PPM1D: variants seen among roughly 807,000 people sequenced by gnomAD.
PPM1D encodes the protein protein phosphatase 1D.
In PPM1D, 52 loss-of-function variants were observed where a neutral mutation model predicts 58.3. The observed-to-expected ratio is 0.89, with a 90% CI of 0.71 to 1.12. PPM1D has a LOEUF of 1.12. PPM1D is among the 50% of genes most tolerant of loss of function. The pLI is 0.00. For synonymous variants in PPM1D, 278 were observed against 285.1 expected, an observed-to-expected ratio of 0.98 and a Z score of 0.25; for missense variants, 564 against 777.2, an observed-to-expected ratio of 0.73 and a Z score of 3.26.
At position 60,663,002 on chromosome 17, in the gene PPM1D, A is replaced by G. The variant is rs1598415386; in HGVS notation, c.1268A>G (p.Glu423Gly). The G allele has an allele frequency of 6.2e-7, 1 of 1,604,156 alleles. No individual in the cohort carries two copies. The highest frequency in any genetic ancestry group is 2.2e-5 in the East Asian group (1 of 44,750). The change falls in exon 6 of 6, where the codon GAG (glutamate) becomes GGG (glycine). Residue 423 changes from glutamate to glycine, a missense_variant. This residue lies in a region of PPM1D where 261 missense variants were observed against 270.1 expected (regional missense o/e 0.97). Transcript: ENST00000305921. Reference protein sequence around the residue: ...PCSTPPVKSLEEDPWPRVNSK... With the variant: ...PCSTPPVKSLGEDPWPRVNSK... ...TACCTTCTTATTTTTCAGTCACTGG[A>G]GGAGGATCCATGGCCAAGGGTGAAT...
chr17:60,627,232 A>G (rs1347483834), intron 2 of PPM1D, among the ~76,000 whole-genome samples: 3 of 152,082 alleles, frequency 2.0e-5, no homozygotes, highest in Non-Finnish European at 4.4e-5. Flanking sequence ...TACAACAGGA[A>G]TATTTTTGGT....
intron 1 of PPM1D, among the ~76,000 whole-genome samples, chr17:60,603,780 G>A (rs1407279286): frequency 6.6e-6 from 1 of 151,638 alleles, no homozygotes; most frequent in Non-Finnish European, 1.5e-5. Flanking sequence ...AAAAAAGACA[G>A]CTGAATTATC....
chr17:60,613,663 C>T (rs1038122063), intron 1 of PPM1D, among the ~76,000 whole-genome samples: 1 of 152,222 alleles, frequency 6.6e-6, no homozygotes, highest in African/African-American at 2.4e-5. Flanking sequence ...TGTGGGCCAG[C>T]GCGAGTTCCA....
At chr17:60,657,801 A>G (rs1406593063) in intron 5 of PPM1D, among the ~76,000 whole-genome samples, 1 of 151,964 alleles carries the variant, frequency 6.6e-6, no homozygotes, top group Admixed American at 6.6e-5. Flanking sequence ...GTGCAATGGC[A>G]TTATCTTGGC....
At chr17:60,621,834 T>C (rs1320925898) in intron 1 of PPM1D, among the ~76,000 whole-genome samples, 1 of 145,408 alleles carries the variant, frequency 6.9e-6, no homozygotes, top group Non-Finnish European at 1.5e-5. Context: ...CCTCCTAAAG[T>C]GCTGAGATTA....
At chr17:60,607,050 C>T (rs2030345903) in intron 1 of PPM1D, among the ~76,000 whole-genome samples, 1 of 151,048 alleles carries the variant, frequency 6.6e-6, no homozygotes, top group Non-Finnish European at 1.5e-5. Context: ...AGGGTGGTTC[C>T]TTACCCTGGG....
At chr17:60,616,291 A>G (rs963923147) in intron 1 of PPM1D, among the ~76,000 whole-genome samples, 3 of 151,454 alleles carry the variant, frequency 2.0e-5, no homozygotes, top group Non-Finnish European at 2.9e-5. Flanking sequence ...CTGTCTCAAA[A>G]AAAAAAAAAA....
intron 2 of PPM1D, among the ~76,000 whole-genome samples, chr17:60,632,710 GCGTGGTGGCCCA>G (rs1242987055): frequency 6.6e-6 from 1 of 152,228 alleles, no homozygotes; most frequent in East Asian, 1.9e-4. Context: ...AATTAGGCAG[GCGTGGTGGCCCA>G]CGTGGTGGCT....
At position 60,600,384 on chromosome 17, in the gene PPM1D, G is replaced by C; in HGVS notation, c.-31G>C. 6.5e-7 allele frequency: 1 copy of C among 1,543,068 alleles called. No individual in the cohort carries two copies. The highest frequency in any genetic ancestry group is 8.7e-7 in the Non-Finnish European group (1 of 1,144,620). On this transcript the variant is annotated 5_prime_UTR_variant, in exon 1 of 6. Transcript: ENST00000305921. The stretch of plus-strand genomic sequence containing the variant: ...CCCGCCGCCGGATTCGGCGGGCTGC[G>C]TGGGACCGGCGGGATCCCGGCCAGC...
rs2031443364 is a variant in PPM1D, at chr17:60,656,596, C to T, written c.1018-3C>T. On this transcript the variant is annotated splice_region_variant and splice_polypyrimidine_tract_variant and intron_variant, in intron 4 of 5. Coordinates refer to ENST00000305921, the MANE Select transcript of PPM1D (RefSeq NM_003620.4). ...TTCCTTCTCCTTGTTCTTTTGAATA[C>T]AGGGTGAGCATGGACAATCTTGTGC... 2 of 1,612,962 alleles carry T rather than the reference C, an allele frequency of 1.2e-6. No homozygotes were observed. The highest frequency in any genetic ancestry group is 1.7e-6 in the Non-Finnish European group (2 of 1,179,130).
chr17:60,606,998 A>AATTTTTTTTTTTT (rs2030343466), intron 1 of PPM1D, among the ~76,000 whole-genome samples: 1 of 148,706 alleles, frequency 6.7e-6, no homozygotes, highest in Non-Finnish European at 1.5e-5. Flanking sequence ...TTTTTTTTTT[A>AATTTTTTTTTTTT]ATTTTTTTTT....
chr17:60,636,950 C>T (rs779105128), intron 3 of PPM1D, among the ~76,000 whole-genome samples: 58 of 150,664 alleles, frequency 3.8e-4, no homozygotes, highest in Non-Finnish European at 7.7e-4. Flanking sequence ...TGTGCGACAG[C>T]GCTCAGCCTA....
intron 2 of PPM1D, among the ~76,000 whole-genome samples, chr17:60,632,116 C>T (rs1296871561): frequency 6.6e-6 from 1 of 151,986 alleles, no homozygotes; most frequent in African/African-American, 2.4e-5. Flanking sequence ...ATGGCATGAA[C>T]CCGGGAGGCG....
Position 60,600,334 on chromosome 17 carries a change from TG to T in PPM1D, c.-79del. ...GGCGTCGTCGAAGATAAACAATAGT[TG>T]GCCGGCGAGCGCCTAGTGTGTCTCC... is the stretch of plus-strand genomic sequence containing the variant. On this transcript the variant is annotated 5_prime_UTR_variant, in exon 1 of 6. Coordinates refer to ENST00000305921, the MANE Select transcript of PPM1D (RefSeq NM_003620.4). 1 of 1,506,636 alleles carries T rather than the reference TG, an allele frequency of 6.6e-7. No homozygotes were observed. 93.3% of individuals were successfully genotyped at this position (1,506,636 alleles called of 1,614,324 possible).
chr17:60,608,160 A>G (rs1441857763), intron 1 of PPM1D, among the ~76,000 whole-genome samples: 3 of 152,048 alleles, frequency 2.0e-5, no homozygotes, highest in Admixed American at 1.3e-4. Flanking sequence ...TATTTTTTCT[A>G]TTTTCATTAT....
At chr17:60,626,379 TGTTTTTTTGGG>T (rs1422980921) in intron 2 of PPM1D, among the ~76,000 whole-genome samples, 1 of 151,808 alleles carries the variant, frequency 6.6e-6, no homozygotes, top group East Asian at 1.9e-4. Context: ...CTCAATGATG[TGTTTTTTTGGG>T]GTTTTTTTTG....
intron 2 of PPM1D, among the ~76,000 whole-genome samples, chr17:60,631,094 G>T (rs2030911200): frequency 6.6e-6 from 1 of 152,178 alleles, no homozygotes; most frequent in African/African-American, 2.4e-5. Context: ...TGTAATCCCA[G>T]CATGTTGGGA....
chr17:60,627,017 T>A (rs1240351957), intron 2 of PPM1D, among the ~76,000 whole-genome samples: 1 of 152,244 alleles, frequency 6.6e-6, no homozygotes, highest in Non-Finnish European at 1.5e-5. Context: ...AGCTGTACAT[T>A]AAAGAAATTA....
At chr17:60,643,127 C>T in intron 3 of PPM1D, among the ~76,000 whole-genome samples, 1 of 151,432 alleles carries the variant, frequency 6.6e-6, no homozygotes. Flanking sequence ...AGCCTGTAAT[C>T]CTAGCACTTT....
Sources: allele counts gnomAD v4.1 joint callset (sites outside exome capture counted in the v4.1 genomes callset), GRCh38; gene constraint gnomAD v4.1.1; regional missense constraint gnomAD v4.1.1; transcripts MANE v1.5; gene names NCBI Gene and HGNC (gene_info 2026-07-23, HGNC 2026-07-21).